The following SRPRB variants were observed in gnomAD, a reference collection of about 807,000 sequenced individuals.
The protein encoded by SRPRB is signal recognition particle receptor subunit beta.
Under a neutral mutation model 31.9 loss-of-function variants are expected in SRPRB, and 20 were observed. The observed-to-expected ratio is 0.63, with a 90% CI of 0.44 to 0.91. The LOEUF (loss-of-function observed/expected upper bound fraction) is 0.91, where lower values mean the gene tolerates loss of function less well. Ranked by LOEUF, SRPRB falls within the 40% of genes least tolerant of loss-of-function variation. SRPRB has a pLI of 0.00. For missense variants in SRPRB, 321 were observed against 324.9 expected (o/e 0.99, Z 0.09); for synonymous variants, 146 against 132.8 (o/e 1.10, Z -0.68).
chr3:133,826,100 C>T (rs1259736860), downstream of SRPRB: 1 of 152,238 alleles, frequency 6.6e-6, no homozygotes, highest in African/African-American at 2.4e-5. Flanking sequence ...CCTTTCCACA[C>T]CCCAGGAAGG....
chr3:133,809,979 C>G (rs371141119), intron 3 of SRPRB, among the ~76,000 whole-genome samples: 11 of 152,144 alleles, frequency 7.2e-5, no homozygotes, highest in African/African-American at 2.6e-4. Flanking sequence ...ATATATAGAG[C>G]ATTTTTCCCT....
intron 4 of SRPRB, 49 bp from the exon 5 acceptor site, chr3:133,815,541 T>C: frequency 6.2e-7 from 1 of 1,608,596 alleles, no homozygotes; most frequent in Middle Eastern, 1.7e-4. Context: ...AAGATAATGA[T>C]GTCCTGTTAC....
rs369392814 is a variant in SRPRB, at chr3:133,819,746, T to C, written c.796T>C (p.Trp266Arg). ...GSADIQDLEK[W>R]LAKIA The stretch of plus-strand genomic sequence containing the variant: ...TGCTGACATCCAGGACTTGGAGAAA[T>C]GGCTGGCTAAAATTGCCTGAGAGGC... The change falls in exon 7 of 7, where the codon TGG (tryptophan) becomes CGG (arginine). Residue 266 changes from tryptophan to arginine, a missense_variant. Physicochemically the swap from Trp to Arg is moderately radical, Grantham distance 101. Coordinates refer to ENST00000678299, the MANE Select transcript of SRPRB (RefSeq NM_001379313.1). 320 of 1,613,904 alleles carry C rather than the reference T, an allele frequency of 2.0e-4. No homozygotes were observed. Among genetic ancestry groups the C allele is most frequent in the Admixed American group, 1.8e-4 (11 of 59,998 alleles).
chr3:133,805,783 C>T (rs1935139464), upstream of SRPRB: 1 of 1,516,958 alleles, frequency 6.6e-7, no homozygotes, highest in Non-Finnish European at 8.8e-7. Flanking sequence ...AGGCTCTGCT[C>T]CCCGCGCCTG....
At chr3:133,802,002 T>A (rs952429558), upstream of SRPRB, among the ~76,000 whole-genome samples, 3 of 152,216 alleles carry the variant, frequency 2.0e-5, no homozygotes, top group African/African-American at 7.2e-5. Context: ...TTGCCTGGGA[T>A]GAAGTCCCAA....
chr3:133,804,095 C>CAAAAAAAAAAAAAAA (rs1205426598), upstream of SRPRB, among the ~76,000 whole-genome samples: 1 of 58,268 alleles, frequency 1.7e-5, no homozygotes, highest in African/African-American at 6.1e-5. Flanking sequence ...GACTCTGTCT[C>CAAAAAAAAAAAAAAA]AAAAAAAAAA....
chr3:133,827,697 T>C (rs1433582866), downstream of SRPRB: 4 of 581,108 alleles, frequency 6.9e-6, no homozygotes, highest in African/African-American at 5.8e-5. Context: ...TATTAGCAGC[T>C]GAGGCTCTAA....
At chr3:133,804,095 C>CAAAAA (rs1205426598), upstream of SRPRB, among the ~76,000 whole-genome samples, 1 of 58,272 alleles carries the variant, frequency 1.7e-5, no homozygotes, top group Non-Finnish European at 3.3e-5. Flanking sequence ...GACTCTGTCT[C>CAAAAA]AAAAAAAAAA....
At chr3:133,788,678 T>TCA (rs1934753278) in intron 1 of SRPRB, 1 of 152,132 alleles carries the variant, frequency 6.6e-6, no homozygotes, top group Admixed American at 6.5e-5. Flanking sequence ...GGACCCTTGG[T>TCA]GGGCAGCGCC....
chr3:133,806,121 G>A, intron 1 of SRPRB, 119 bp downstream of exon 1: 1 of 1,350,468 alleles, frequency 7.4e-7, no homozygotes, highest in South Asian at 1.5e-5. Flanking sequence ...TCAGGAGGGT[G>A]AGACCCACCC....
At chr3:133,814,877 G>A (rs1273560225) in intron 4 of SRPRB, among the ~76,000 whole-genome samples, 1 of 152,136 alleles carries the variant, frequency 6.6e-6, no homozygotes, top group Non-Finnish European at 1.5e-5. Flanking sequence ...TAGTTCAAGC[G>A]CCCTCTAAGA....
At position 133,821,098 on chromosome 3, in the gene SRPRB, G is replaced by C. The variant is rs1935464084; in HGVS notation, c.*1332G>C. 6.6e-6 allele frequency: 1 copy of C among 152,318 alleles called. No individual in the cohort carries two copies. Among genetic ancestry groups the C allele is most frequent in the Non-Finnish European group, 1.5e-5 (1 of 68,170 alleles). The allele number at this position is 152,318 out of a possible 1,614,324, so 9.4% of individuals were successfully genotyped here. ...AAGCATGGGGCTGATGACGTCTGAG[G>C]GAGTGTGATCCTCCATGTATGGCCT... On this transcript the variant is annotated 3_prime_UTR_variant, in exon 7 of 7. Coordinates refer to ENST00000678299, the MANE Select transcript of SRPRB (RefSeq NM_001379313.1).
At position 133,806,758 on chromosome 3, in the gene SRPRB, C is replaced by T. The variant is rs1053887300; in HGVS notation, c.249+55C>T. 4.5e-6 allele frequency: 6 copies of T among 1,322,846 alleles called. No individual in the cohort carries two copies. The African/African-American group carries it at 8.7e-5, about 19-fold the overall frequency. The allele number at this position is 1,322,846 out of a possible 1,614,324, so 81.9% of individuals were successfully genotyped here. A position where few individuals can be genotyped will look rare whatever the true frequency, so the allele number is the denominator to read the frequency against. ...GCTTAATAGAAAATTTTATAGATCC[C>T]AGTATTCCTGTCATCTCACGGTTTA... On this transcript the variant is annotated intron_variant, in intron 2 of 6. Transcript: ENST00000678299.
At chr3:133,813,602 G>A (rs1935312572) in intron 4 of SRPRB, among the ~76,000 whole-genome samples, 1 of 152,062 alleles carries the variant, frequency 6.6e-6, no homozygotes, top group Admixed American at 6.5e-5. Context: ...ATTGTAGTTT[G>A]TAGTATTTTC....
chr3:133,792,388 G>A (rs1934862566), intron 1 of SRPRB: 1 of 152,086 alleles, frequency 6.6e-6, no homozygotes, highest in African/African-American at 2.4e-5. Flanking sequence ...ACAATTTAAC[G>A]GTGATTAGAC....
upstream of SRPRB, among the ~76,000 whole-genome samples, chr3:133,803,923 C>T (rs1429621034): frequency 1.3e-5 from 2 of 150,728 alleles, no homozygotes; most frequent in South Asian, 2.1e-4. Context: ...GGTGAAACCC[C>T]GTCTCTACTA....
chr3:133,805,814 C>A (rs368237852), upstream of SRPRB: 46 of 1,580,592 alleles, frequency 2.9e-5, no homozygotes, highest in Non-Finnish European at 3.9e-5. Context: ...AGGGCCACGT[C>A]GCTTTTGCTG....
chr3:133,802,717 A>T (rs780222969), upstream of SRPRB, among the ~76,000 whole-genome samples: 1 of 152,076 alleles, frequency 6.6e-6, no homozygotes, highest in Non-Finnish European at 1.5e-5. Flanking sequence ...CCATGATTTT[A>T]ATGACCACTT....
upstream of SRPRB, among the ~76,000 whole-genome samples, chr3:133,803,253 C>T (rs932728123): frequency 1.5e-4 from 23 of 152,084 alleles, no homozygotes; most frequent in African/African-American, 4.1e-4. Flanking sequence ...GAAACTTCTA[C>T]ACTTGATCTT....
Sources: gnomAD v4.1 joint callset for allele counts (sites outside exome capture counted in the v4.1 genomes callset) on GRCh38, gnomAD v4.1.1 for gene constraint, MANE v1.5 for transcripts, NCBI Gene and HGNC (gene_info 2026-07-23, HGNC 2026-07-21) for gene names.